The following CRHR1 variants were observed in gnomAD, a reference collection of about 807,000 sequenced individuals.
CRHR1 encodes corticotropin releasing hormone receptor 1, also known as corticotropin-releasing hormone receptor 1.
A neutral mutation model predicts 56.0 loss-of-function variants in CRHR1; 28 were observed. That is an observed-to-expected ratio of 0.50 (90% CI 0.37 to 0.69). The LOEUF (loss-of-function observed/expected upper bound fraction) is 0.69. Ranked by LOEUF, CRHR1 falls within the 30% of genes least tolerant of loss-of-function variation. CRHR1 has a pLI of 0.00. For synonymous variants in CRHR1, 195 were observed against 216.5 expected (o/e 0.90, Z 0.87); for missense variants, 376 against 548.0 (o/e 0.69, Z 3.13).
chr17:45,786,992 G>C (rs1003703467), intron 1 of CRHR1, among the ~76,000 whole-genome samples: 2 of 152,166 alleles, frequency 1.3e-5, no homozygotes, highest in East Asian at 1.9e-4. Flanking sequence ...AGCTCAGCCA[G>C]ATGAGAGCTC....
At chr17:45,817,432 G>T (rs81189) in intron 3 of CRHR1, among the ~76,000 whole-genome samples, 9 of 151,950 alleles carry the variant, frequency 5.9e-5, no homozygotes, top group Non-Finnish European at 4.4e-5. Context: ...ACAGGGGTGA[G>T]CCCAGACACC....
At position 45,834,935 on chromosome 17, in the gene CRHR1, ACT is replaced by A; in HGVS notation, c.*174_*175del. 1.1e-6 allele frequency: 1 copy of A among 876,048 alleles called. No individual in the cohort carries two copies. Among genetic ancestry groups the A allele is most frequent in the Non-Finnish European group, 1.7e-6 (1 of 584,640 alleles). The allele number at this position is 876,048 out of a possible 1,614,324, so 54.3% of individuals were successfully genotyped here. ...CGCTCTCCCCCTGCAGCCGTGCAGG[ACT>A]CTAGCTCATGAGTGGAAAGTCACCT... is the stretch of plus-strand genomic sequence containing the variant. On this transcript the variant is annotated 3_prime_UTR_variant, in exon 13 of 13. Coordinates refer to ENST00000314537, the MANE Select transcript of CRHR1 (RefSeq NM_004382.5).
chr17:45,834,385 T>C (rs2062389707), intron 12 of CRHR1, among the ~76,000 whole-genome samples: 1 of 152,204 alleles, frequency 6.6e-6, no homozygotes, highest in Non-Finnish European at 1.5e-5. Context: ...AAAGGGCATA[T>C]GGTGCCTTCG....
At chr17:45,802,018 T>G (rs551582863) in intron 1 of CRHR1, among the ~76,000 whole-genome samples, 4 of 152,112 alleles carry the variant, frequency 2.6e-5, no homozygotes, top group East Asian at 3.9e-4. Context: ...TTTTTTTTTT[T>G]GTTTGTTTTG....
chr17:45,787,000 C>G (rs1379680966), intron 1 of CRHR1, among the ~76,000 whole-genome samples: 1 of 152,172 alleles, frequency 6.6e-6, no homozygotes, highest in Admixed American at 6.5e-5. Flanking sequence ...CAGATGAGAG[C>G]TCAGGTAGTT....
intron 4 of CRHR1, 50 bp downstream of exon 4, chr17:45,821,490 C>T (rs1480709049): frequency 1.9e-6 from 3 of 1,551,520 alleles, no homozygotes; most frequent in Non-Finnish European, 2.6e-6. Flanking sequence ...GTCCAGGGTC[C>T]CCAGCAGAGT....
chr17:45,785,439 G>A (rs1338089533), intron 1 of CRHR1, among the ~76,000 whole-genome samples: 2 of 152,262 alleles, frequency 1.3e-5, no homozygotes, highest in Non-Finnish European at 2.9e-5. Context: ...GTTTTGCAGG[G>A]TATAGGCGCG....
intron 1 of CRHR1, among the ~76,000 whole-genome samples, chr17:45,787,569 A>G (rs1409892085): frequency 6.6e-6 from 1 of 152,232 alleles, no homozygotes; most frequent in African/African-American, 2.4e-5. Context: ...CATTTAAAAA[A>G]TAACCCCCAC....
At chr17:45,834,196 G>A in intron 12 of CRHR1, 148 bp downstream of exon 12, 3 of 997,918 alleles carry the variant, frequency 3.0e-6, no homozygotes, top group African/African-American at 1.6e-5. Flanking sequence ...GGGAGCCCCA[G>A]GGTGGCCCCT....
intron 8 of CRHR1, among the ~76,000 whole-genome samples, chr17:45,831,479 T>G (rs1598449566): frequency 6.6e-6 from 1 of 152,366 alleles, no homozygotes; most frequent in East Asian, 1.9e-4. Flanking sequence ...CTTTGGTTCC[T>G]TATGAAATGG....
intron 1 of CRHR1, among the ~76,000 whole-genome samples, chr17:45,794,527 G>T (rs905896189): frequency 6.6e-6 from 1 of 152,236 alleles, no homozygotes; most frequent in Non-Finnish European, 1.5e-5. Context: ...TGATGTAGTG[G>T]CTCTTTCTGG....
chr17:45,815,264 C>G (rs2061903287), intron 2 of CRHR1, among the ~76,000 whole-genome samples: 1 of 152,170 alleles, frequency 6.6e-6, no homozygotes, highest in Admixed American at 6.5e-5. Context: ...GTGTGCCAGC[C>G]TCACTCAGAG....
chr17:45,790,392 C>G (rs1164656560), intron 1 of CRHR1, among the ~76,000 whole-genome samples: 1 of 152,152 alleles, frequency 6.6e-6, no homozygotes, highest in Non-Finnish European at 1.5e-5. Context: ...CTTCATGAAA[C>G]AGGCATGTCA....
At chr17:45,830,674 C>T (rs531782343) in intron 7 of CRHR1, 104 bp downstream of exon 7, 27 of 1,423,448 alleles carry the variant, frequency 1.9e-5, no homozygotes, top group East Asian at 1.6e-4. Context: ...GGATGGAGGT[C>T]GGGTTGGGGC....
At chr17:45,824,905 G>T (rs1487535732) in intron 4 of CRHR1, among the ~76,000 whole-genome samples, 1 of 152,008 alleles carries the variant, frequency 6.6e-6, no homozygotes, top group East Asian at 1.9e-4. Flanking sequence ...GTGTACACCT[G>T]GGGGAGTGAC....
At chr17:45,833,604 G>T in intron 10 of CRHR1, 67 bp downstream of exon 10, 2 of 1,588,234 alleles carry the variant, frequency 1.3e-6, no homozygotes, top group Non-Finnish European at 1.7e-6. Flanking sequence ...CCTCTCACGT[G>T]CCAGAGACCT....
At chr17:45,799,416 G>A (rs1018232464) in intron 1 of CRHR1, 1 of 152,238 alleles carries the variant, frequency 6.6e-6, no homozygotes, top group African/African-American at 2.4e-5. Flanking sequence ...TGCAACGGCG[G>A]ACCCAGCTTT....
At chr17:45,785,252 G>T (rs958064998) in intron 1 of CRHR1, among the ~76,000 whole-genome samples, 5 of 152,272 alleles carry the variant, frequency 3.3e-5, no homozygotes, top group African/African-American at 1.2e-4. Flanking sequence ...CGGATCGGGC[G>T]CTGGAGTTTA....
At chr17:45,814,913 T>C (rs1242501568) in intron 2 of CRHR1, among the ~76,000 whole-genome samples, 3 of 152,272 alleles carry the variant, frequency 2.0e-5, no homozygotes, top group Non-Finnish European at 4.4e-5. Flanking sequence ...CCTCTGCCCC[T>C]TGAGTCCTGA....
Sources: gnomAD v4.1 joint callset for allele counts (sites outside exome capture counted in the v4.1 genomes callset) on GRCh38, gnomAD v4.1.1 for gene constraint, MANE v1.5 for transcripts, NCBI Gene and HGNC (gene_info 2026-07-23, HGNC 2026-07-21) for gene names.